Variants in DROSHA observed in about 807,000 individuals in gnomAD.
DROSHA encodes drosha ribonuclease III, also known as ribonuclease 3.
In DROSHA, 56 loss-of-function variants were observed where a neutral mutation model predicts 181.9. The observed-to-expected ratio is 0.31, with a 90% CI of 0.25 to 0.38. DROSHA has a LOEUF of 0.38. DROSHA is among the 10% of genes least tolerant of loss of function. DROSHA has a pLI of 1.00. For synonymous variants in DROSHA, 524 were observed against 591.2 expected (o/e 0.89, Z 1.65); for missense variants, 1,218 against 1,743.5 (o/e 0.70, Z 5.37).
rs749470013 is a variant in DROSHA at position 31,432,134 on chromosome 5, AT to A, written c.3043-457del. ...ACAATGTCAGCACCATACAAAACAG[AT>A]TTTTTTTTTTTTTTGAGACGGAATC... On this transcript the variant is annotated intron_variant, in intron 25 of 35. Transcript: ENST00000344624. Among the ~76,000 whole-genome samples, 809 of 143,414 alleles carry A rather than the reference AT, an allele frequency of 5.6e-3. 3 individuals are homozygous for A. Among genetic ancestry groups the A allele is most frequent in the African/African-American group, 9.9e-3 (389 of 39,350 alleles). 94.1% of individuals were successfully genotyped at this position (143,414 alleles called of 152,430 possible). A position where few individuals can be genotyped will look rare whatever the true frequency, so the allele number is the denominator to read the frequency against.
At chr5:31,484,618 A>G (rs1751527472) in intron 15 of DROSHA, among the ~76,000 whole-genome samples, 1 of 152,178 alleles carries the variant, frequency 6.6e-6, no homozygotes, top group Admixed American at 6.5e-5. Flanking sequence ...CACATATATC[A>G]AGGTAGCTAC....
intron 23 of DROSHA, among the ~76,000 whole-genome samples, chr5:31,445,505 A>G (rs1746141606): frequency 6.6e-6 from 1 of 152,344 alleles, no homozygotes; most frequent in South Asian, 2.1e-4. Flanking sequence ...ACGGGAAAAG[A>G]AAACTACAAA....
intron 14 of DROSHA, among the ~76,000 whole-genome samples, chr5:31,485,596 G>A (rs1265828731): frequency 3.8e-5 from 5 of 133,274 alleles, no homozygotes; most frequent in African/African-American, 1.4e-4. Context: ...TTTTACAATA[G>A]CAAATGAAGG....
chr5:31,424,267 T>G (rs185925687), intron 28 of DROSHA, among the ~76,000 whole-genome samples, 160 bp downstream of exon 28: 3 of 152,260 alleles, frequency 2.0e-5, no homozygotes, highest in Admixed American at 2.0e-4. Flanking sequence ...TTCATTCTCC[T>G]ATTGTTCCAA....
intron 25 of DROSHA, among the ~76,000 whole-genome samples, 174 bp downstream of exon 25, chr5:31,435,591 A>G (rs915949160): frequency 6.6e-6 from 1 of 152,218 alleles, no homozygotes; most frequent in Admixed American, 6.5e-5. Flanking sequence ...TCACAAAGGT[A>G]ACAGAACTAA....
chr5:31,493,795 C>A (rs990309013), intron 12 of DROSHA, among the ~76,000 whole-genome samples: 1 of 152,138 alleles, frequency 6.6e-6, no homozygotes. Context: ...AAGAAGTCAA[C>A]CAACCAAACA....
intron 16 of DROSHA, among the ~76,000 whole-genome samples, chr5:31,479,542 C>T (rs993075197): frequency 1.4e-4 from 21 of 151,762 alleles, no homozygotes; most frequent in African/African-American, 3.6e-4. Flanking sequence ...TTAGGGTAGG[C>T]GAAAATTTCA....
chr5:31,479,588 T>C (rs1330834617), intron 16 of DROSHA, among the ~76,000 whole-genome samples: 1 of 152,080 alleles, frequency 6.6e-6, no homozygotes, highest in Non-Finnish European at 1.5e-5. Context: ...CATAAAGGAA[T>C]ATATATCTAT....
chr5:31,517,515 T>A (rs1739397003), intron 6 of DROSHA, among the ~76,000 whole-genome samples: 1 of 152,204 alleles, frequency 6.6e-6, no homozygotes, highest in Non-Finnish European at 1.5e-5. Flanking sequence ...TGCCAGTTTC[T>A]CCTCTGATTT....
intron 20 of DROSHA, among the ~76,000 whole-genome samples, chr5:31,463,163 T>G (rs1465198477): frequency 1.1e-4 from 17 of 152,138 alleles, no homozygotes; most frequent in Admixed American, 1.1e-3. Context: ...TCATAAGATA[T>G]TTGTCAATCG....
rs144341188 is a variant in DROSHA, at chr5:31,518,559, T to C, written c.947+2564A>G. On this transcript the variant is annotated intron_variant, in intron 6 of 35. Coordinates refer to ENST00000344624, the MANE Select transcript of DROSHA (RefSeq NM_001382508.1). ...TACTTAAAAGGCTGTTAAAATACTG[T>C]CAGGTAATAACGGCAACTCTTAGCT... Among the ~76,000 whole-genome samples the C allele has an allele frequency of 1.5e-3, 225 of 152,366 alleles. 1 individual carries two copies. The highest frequency in any genetic ancestry group is 5.3e-3 in the African/African-American group (221 of 41,588).
chr5:31,485,635 TA>T (rs10523474), intron 14 of DROSHA, among the ~76,000 whole-genome samples: 7 of 136,034 alleles, frequency 5.1e-5, no homozygotes, highest in African/African-American at 1.7e-4. Context: ...AAAAGGAAGT[TA>T]AAAAAAAAAA....
chr5:31,465,897 GAAACGTGCACCAAAT>G (rs545709777), intron 19 of DROSHA, among the ~76,000 whole-genome samples: 59 of 152,266 alleles, frequency 3.9e-4, no homozygotes, highest in Non-Finnish European at 7.2e-4. Context: ...ACAGCCTGCA[GAAACGTGCACCAAAT>G]AAACCTCTTT....
At chr5:31,531,822 C>T (rs1741443592) in intron 1 of DROSHA, among the ~76,000 whole-genome samples, 168 bp downstream of exon 1, 1 of 152,122 alleles carries the variant, frequency 6.6e-6, no homozygotes, top group Non-Finnish European at 1.5e-5. Flanking sequence ...CACTTATTTG[C>T]GGGATCCAGG....
intron 4 of DROSHA, among the ~76,000 whole-genome samples, chr5:31,527,768 G>C (rs1442476611): frequency 6.6e-6 from 1 of 152,200 alleles, no homozygotes; most frequent in Non-Finnish European, 1.5e-5. Flanking sequence ...CTCCAGAACT[G>C]TGAGAAATAA....
intron 3 of DROSHA, among the ~76,000 whole-genome samples, chr5:31,529,700 A>C (rs1444020072): frequency 6.7e-6 from 1 of 150,314 alleles, no homozygotes; most frequent in Admixed American, 6.7e-5. Context: ...GCGCCACTGC[A>C]TTCCAGCCTG....
intron 16 of DROSHA, among the ~76,000 whole-genome samples, chr5:31,477,382 C>T (rs1458509336): frequency 1.3e-5 from 2 of 152,152 alleles, no homozygotes; most frequent in South Asian, 2.1e-4. Flanking sequence ...TGTATGACTG[C>T]GTTTCTGTGT....
intron 20 of DROSHA, among the ~76,000 whole-genome samples, chr5:31,451,957 A>C (rs1747089936): frequency 6.6e-6 from 1 of 152,128 alleles, no homozygotes; most frequent in Non-Finnish European, 1.5e-5. Flanking sequence ...AAATATACCT[A>C]CTTCCGAGGA....
chr5:31,504,757 C>G, intron 10 of DROSHA, 122 bp from the exon 11 acceptor site: 1 of 936,878 alleles, frequency 1.1e-6, no homozygotes, highest in Non-Finnish European at 1.6e-6. Context: ...GAGGCTGTCA[C>G]GGTTAGAAGA....
Sources: allele counts gnomAD v4.1 joint callset (sites outside exome capture counted in the v4.1 genomes callset), GRCh38; gene constraint gnomAD v4.1.1; transcripts MANE v1.5; gene names NCBI Gene and HGNC (gene_info 2026-07-23, HGNC 2026-07-21).